DGKH: variants seen among roughly 807,000 people sequenced by gnomAD.
The protein encoded by DGKH is DAG kinase eta.
A neutral mutation model predicts 159.3 loss-of-function variants in DGKH; 90 were observed. That is an observed-to-expected ratio of 0.57 (90% CI 0.48 to 0.67). The LOEUF (loss-of-function observed/expected upper bound fraction) is 0.67, where lower values mean the gene tolerates loss of function less well. DGKH is among the 30% of genes least tolerant of loss of function. The pLI is 0.00. For missense variants in DGKH, 1,181 were observed against 1,506.1 expected (o/e 0.78, Z 3.57); for synonymous variants, 536 against 553.8 (o/e 0.97, Z 0.45).
intron 1 of DGKH, among the ~76,000 whole-genome samples, chr13:42,042,809 C>T (rs1377772986): frequency 6.6e-6 from 1 of 152,172 alleles, no homozygotes; most frequent in Non-Finnish European, 1.5e-5. Flanking sequence ...TTACAAGCGA[C>T]TTTATTCTAA....
rs78263346 is a variant in DGKH at position 42,232,292 on chromosome 13, C to G, written c.*3104C>G. 3 of 152,092 alleles carry G rather than the reference C, an allele frequency of 2.0e-5. No individual in the cohort carries two copies. Among genetic ancestry groups the G allele is most frequent in the African/African-American group, 2.4e-5 (1 of 41,338 alleles). The allele number at this position is 152,092 out of a possible 1,614,324, so 9.4% of individuals were successfully genotyped here. ...ATAGGCTCTTCCTCACCTGGAGGAT[C>G]GGGGCTGGTGGGAGGGCAGGGAAGG... On this transcript the variant is annotated 3_prime_UTR_variant, in exon 30 of 30. Coordinates refer to ENST00000337343, the MANE Select transcript of DGKH (RefSeq NM_178009.5).
intron 3 of DGKH, among the ~76,000 whole-genome samples, chr13:42,144,159 A>G (rs1955655830): frequency 6.6e-6 from 1 of 152,108 alleles, no homozygotes; most frequent in Admixed American, 6.5e-5. Flanking sequence ...GTTTGCTGAA[A>G]TTTTTTATGT....
intron 1 of DGKH, among the ~76,000 whole-genome samples, chr13:42,056,279 A>G (rs1262899984): frequency 6.6e-6 from 1 of 151,358 alleles, no homozygotes; most frequent in Non-Finnish European, 1.5e-5. Flanking sequence ...GCTTTTTGTT[A>G]TGAGGCTATT....
rs751842056 is a variant in DGKH, at chr13:42,122,391, G to A, written c.193-5072G>A. Among the ~76,000 whole-genome samples, 2 of 152,154 alleles carry A rather than the reference G, an allele frequency of 1.3e-5. 1 individual carries two copies. Among genetic ancestry groups the A allele is most frequent in the South Asian group, 4.1e-4 (2 of 4,826 alleles). ...GCATCTGGTGAGAGCCTTCTTCCTG[G>A]CAGGGACTCTCTGCAGAGTCCCAAG... On this transcript the variant is annotated intron_variant, in intron 1 of 29. Transcript: ENST00000337343.
chr13:42,045,195 C>T (rs1880734377), upstream of DGKH, among the ~76,000 whole-genome samples: 1 of 152,102 alleles, frequency 6.6e-6, no homozygotes. Context: ...CCCAGGTATC[C>T]TGTGACTACC....
chr13:42,222,941 A>G (rs1198961566), intron 29 of DGKH, among the ~76,000 whole-genome samples: 1 of 152,230 alleles, frequency 6.6e-6, no homozygotes, highest in African/African-American at 2.4e-5. Flanking sequence ...AAGAATAGAA[A>G]GAAGATGGTT....
At chr13:42,147,232 T>C (rs910632993) in intron 3 of DGKH, among the ~76,000 whole-genome samples, 3 of 152,054 alleles carry the variant, frequency 2.0e-5, no homozygotes, top group Non-Finnish European at 4.4e-5. Flanking sequence ...GTAGTGGGGG[T>C]TGTGAAAAGA....
rs772989739 is a variant in DGKH, at chr13:42,209,479, A to G, written c.2850+14A>G. ...ACAAGGGACAGAGTATGTAACAAAA[A>G]CATTCTTCTAGAATATTGTCAGGTT... On this transcript the variant is annotated intron_variant, in intron 23 of 29. Coordinates refer to ENST00000337343, the MANE Select transcript of DGKH (RefSeq NM_178009.5). The G allele has an allele frequency of 1.3e-6, 2 of 1,572,264 alleles. No individual in the cohort carries two copies. Among genetic ancestry groups the G allele is most frequent in the African/African-American group, 1.4e-5 (1 of 72,940 alleles).
chr13:42,134,070 T>C (rs1955347772), intron 3 of DGKH, among the ~76,000 whole-genome samples: 1 of 152,158 alleles, frequency 6.6e-6, no homozygotes. Flanking sequence ...ATTGACAAAG[T>C]ACAATAGTGG....
chr13:42,107,342 G>C (rs1954779222), intron 1 of DGKH, among the ~76,000 whole-genome samples: 1 of 152,226 alleles, frequency 6.6e-6, no homozygotes, highest in Non-Finnish European at 1.5e-5. Context: ...AGAATGCCAG[G>C]AGCAGACACT....
At chr13:42,250,246 G>A (rs1390806057) in intron 29 of DGKH, among the ~76,000 whole-genome samples, 1 of 151,580 alleles carries the variant, frequency 6.6e-6, no homozygotes, top group African/African-American at 2.4e-5. Flanking sequence ...TGGGATTATA[G>A]GCATGAGCCC....
At chr13:42,141,887 C>G (rs1011538830) in intron 3 of DGKH, among the ~76,000 whole-genome samples, 4 of 151,682 alleles carry the variant, frequency 2.6e-5, no homozygotes, top group East Asian at 1.9e-4. Context: ...TGTGCAGAAG[C>G]TCTTTAGTTT....
chr13:42,164,332 A>T (rs1168139811), intron 7 of DGKH, among the ~76,000 whole-genome samples: 1 of 152,188 alleles, frequency 6.6e-6, no homozygotes, highest in Non-Finnish European at 1.5e-5. Context: ...TATACATTTT[A>T]AAATTACTTT....
intron 6 of DGKH, 58 bp downstream of exon 6, chr13:42,159,430 C>T: frequency 1.7e-6 from 2 of 1,177,130 alleles, no homozygotes; most frequent in Non-Finnish European, 2.5e-6. Context: ...ATGTTCTGCT[C>T]TTGTGGAAGC....
chr13:42,212,033 AT>A (rs150939850), intron 24 of DGKH, among the ~76,000 whole-genome samples: 142 of 152,292 alleles, frequency 9.3e-4, no homozygotes, highest in Admixed American at 1.9e-3. Flanking sequence ...TGTCTGGCAT[AT>A]TGAGTGCTCT....
intron 29 of DGKH, among the ~76,000 whole-genome samples, chr13:42,249,652 A>G (rs986943220): frequency 2.0e-5 from 3 of 152,204 alleles, no homozygotes; most frequent in East Asian, 1.9e-4. Flanking sequence ...TTGGGTCCCA[A>G]TAAAACATTA....
intron 21 of DGKH, among the ~76,000 whole-genome samples, chr13:42,207,713 A>ATATATG (rs1415276519): frequency 6.8e-6 from 1 of 147,960 alleles, no homozygotes; most frequent in African/African-American, 2.5e-5. Flanking sequence ...ATATATATAT[A>ATATATG]TATCAGTAAA....
rs1956121711 is a variant in DGKH, at chr13:42,159,340, A to G, written c.697A>G (p.Ile233Val). ...CTGTAAATGGACTACCCTGGCCTCC[A>G]TCGGGAAGGACATTATAGAAGATGA... ...NNCKWTTLAS[I>V]GKDIIEDEDG... The change falls in exon 6 of 30, where the codon ATC (isoleucine) becomes GTC (valine). Residue 233 changes from isoleucine (I) to valine (V), a missense_variant. Coordinates refer to ENST00000337343, the MANE Select transcript of DGKH (RefSeq NM_178009.5). 1.3e-6 allele frequency: 2 copies of G among 1,590,028 alleles called. No individual in the cohort carries two copies. The highest frequency in any genetic ancestry group is 1.4e-5 in the African/African-American group (1 of 72,040).
intron 1 of DGKH, among the ~76,000 whole-genome samples, chr13:42,080,558 C>T (rs546542045): frequency 6.6e-6 from 1 of 152,266 alleles, no homozygotes; most frequent in Non-Finnish European, 1.5e-5. Context: ...AAACTAACTT[C>T]TGAATTCATT....
Sources: gnomAD v4.1 joint callset for allele counts (sites outside exome capture counted in the v4.1 genomes callset) on GRCh38, gnomAD v4.1.1 for gene constraint, MANE v1.5 for transcripts, NCBI Gene and HGNC (gene_info 2026-07-23, HGNC 2026-07-21) for gene names.